COL4A1: variants seen among roughly 807,000 people sequenced by gnomAD.
The protein encoded by COL4A1 is collagen type IV alpha 1 chain.
Under a neutral mutation model 216.6 loss-of-function variants are expected in COL4A1, and 40 were observed. The observed-to-expected ratio is 0.18, with a 90% confidence interval of 0.14 to 0.24. COL4A1 has a LOEUF of 0.24. Ranked by LOEUF, COL4A1 falls within the 10% of genes least tolerant of loss-of-function variation. The pLI, the probability that COL4A1 is intolerant of heterozygous loss-of-function variation, is 1.00. For missense variants in COL4A1, 1,628 were observed against 2,196.8 expected, an observed-to-expected ratio of 0.74 and a Z score of 5.18; for synonymous variants, 839 against 810.7, an observed-to-expected ratio of 1.03 and a Z score of -0.59.
At chr13:110,247,711 CAA>C (rs2139252399) in intron 1 of COL4A1, among the ~76,000 whole-genome samples, 1 of 151,070 alleles carries the variant, frequency 6.6e-6, no homozygotes, top group African/African-American at 2.4e-5. Context: ...CCAGAGGATG[CAA>C]AAAGAGGAAA....
At chr13:110,217,920 A>T (rs745395296) in intron 2 of COL4A1, among the ~76,000 whole-genome samples, 10 of 152,242 alleles carry the variant, frequency 6.6e-5, no homozygotes, top group Non-Finnish European at 8.8e-5. Context: ...TATACTTTTT[A>T]AAAAATCCTT....
At chr13:110,221,344 A>T (rs1880468476) in intron 2 of COL4A1, among the ~76,000 whole-genome samples, 1 of 152,218 alleles carries the variant, frequency 6.6e-6, no homozygotes, top group Admixed American at 6.5e-5. Flanking sequence ...AAAATGAATT[A>T]AAAAGAGTCC....
At chr13:110,284,285 T>C (rs181282555) in intron 1 of COL4A1, among the ~76,000 whole-genome samples, 216 of 152,226 alleles carry the variant, frequency 1.4e-3, no homozygotes, top group Non-Finnish European at 2.4e-3. Flanking sequence ...AAGCCCAAAT[T>C]CTGGAATCTG....
intron 26 of COL4A1, 71 bp from the exon 27 acceptor site, chr13:110,183,347 A>G (rs1032899790): frequency 6.9e-7 from 1 of 1,456,052 alleles, no homozygotes; most frequent in South Asian, 1.2e-5. Context: ...GAGGACACGC[A>G]GTGGGTGGGC....
chr13:110,213,468 T>G (rs1475512579), intron 4 of COL4A1, among the ~76,000 whole-genome samples: 1 of 152,148 alleles, frequency 6.6e-6, no homozygotes, highest in Non-Finnish European at 1.5e-5. Flanking sequence ...GGACACATCA[T>G]CAATTGCCCC....
At position 110,170,529 on chromosome 13, in the gene COL4A1, C is replaced by T; in HGVS notation, c.3742+18G>A. On this transcript the variant is annotated intron_variant, in intron 42 of 51. Coordinates refer to ENST00000375820, the MANE Select transcript of COL4A1 (RefSeq NM_001845.6). ...CTGTCCCAGTCCTCAGCCCTGGCCC[C>T]TGGCGAGATGCCCTTACCTGGCAGG... 5.0e-6 allele frequency: 8 copies of T among 1,586,184 alleles called. No individual in the cohort carries two copies. Among genetic ancestry groups the T allele is most frequent in the Non-Finnish European group, 6.9e-6 (8 of 1,165,602 alleles).
intron 1 of COL4A1, among the ~76,000 whole-genome samples, chr13:110,288,762 G>A (rs1270131469): frequency 1.3e-5 from 2 of 152,154 alleles, no homozygotes; most frequent in South Asian, 2.1e-4. Flanking sequence ...GGCCAGGCGC[G>A]GTGGCTCACG....
intron 2 of COL4A1, among the ~76,000 whole-genome samples, chr13:110,228,588 A>G (rs148234006): frequency 1.1e-3 from 168 of 152,326 alleles, no homozygotes; most frequent in African/African-American, 3.8e-3. Context: ...GATTAACGAT[A>G]TAACTTCCTA....
At chr13:110,181,867 C>T (rs1268954996) in intron 28 of COL4A1, among the ~76,000 whole-genome samples, 1 of 152,206 alleles carries the variant, frequency 6.6e-6, no homozygotes. Flanking sequence ...GTCTGGGCCC[C>T]GCTCTGGAAG....
At chr13:110,231,424 G>A (rs1379195585) in intron 2 of COL4A1, among the ~76,000 whole-genome samples, 2 of 152,220 alleles carry the variant, frequency 1.3e-5, no homozygotes, top group African/African-American at 4.8e-5. Context: ...CACCGCACCT[G>A]AGCGGCTGCC....
chr13:110,205,187 A>G, intron 17 of COL4A1, 166 bp downstream of exon 17: 2 of 757,002 alleles, frequency 2.6e-6, no homozygotes, highest in South Asian at 3.4e-5. Flanking sequence ...ATTTTGTAAA[A>G]AATCATGAAC....
chr13:110,234,905 T>C (rs1881236648), intron 2 of COL4A1, among the ~76,000 whole-genome samples: 1 of 152,200 alleles, frequency 6.6e-6, no homozygotes, highest in African/African-American at 2.4e-5. Flanking sequence ...AGGCATTCAA[T>C]TGATCTCAAA....
chr13:110,204,209 G>T (rs892351138), intron 17 of COL4A1, among the ~76,000 whole-genome samples: 2 of 152,006 alleles, frequency 1.3e-5, no homozygotes, highest in Non-Finnish European at 2.9e-5. Flanking sequence ...AAACGTCATC[G>T]TAATGATTTA....
At chr13:110,153,098 AAATG>A (rs922280094) in intron 50 of COL4A1, among the ~76,000 whole-genome samples, 4 of 152,246 alleles carry the variant, frequency 2.6e-5, no homozygotes, top group Non-Finnish European at 5.9e-5. Context: ...CAAGACCTTA[AAATG>A]AATGACATAC....
chr13:110,254,536 A>G (rs2139267669), intron 1 of COL4A1, among the ~76,000 whole-genome samples: 1 of 152,316 alleles, frequency 6.6e-6, no homozygotes, highest in Middle Eastern at 3.4e-3. Flanking sequence ...AAAAGGAAAC[A>G]TGAAAAGCCT....
chr13:110,205,465 G>C (rs772216870), intron 16 of COL4A1, 29 bp downstream of exon 16: 1 of 1,605,908 alleles, frequency 6.2e-7, no homozygotes, highest in East Asian at 2.2e-5. Context: ...CAGTGAGCCT[G>C]CTTGTAAAAA....
chr13:110,176,623 T>C lies in COL4A1; in HGVS notation c.2968+3A>G, dbSNP rs1455733602. 4.3e-6 allele frequency: 7 copies of C among 1,613,732 alleles called. No individual in the cohort carries two copies. The Admixed American group carries it at 8.3e-5, about 19-fold the overall frequency. On this transcript the variant is annotated splice_donor_region_variant and intron_variant, in intron 35 of 51. Transcript: ENST00000375820. ...CACTGGGGACCGGAGCTCCACACTGTACCTGGCTGCCCAGGCTGTCCTGCC... is the reference window on the plus strand; with the variant it reads ...CACTGGGGACCGGAGCTCCACACTGCACCTGGCTGCCCAGGCTGTCCTGCC...
rs550831786 is a variant in COL4A1 at position 110,189,975 on chromosome 13, G to A, written c.1536+2239C>T. On this transcript the variant is annotated intron_variant, in intron 24 of 51. Coordinates refer to ENST00000375820, the MANE Select transcript of COL4A1 (RefSeq NM_001845.6). ...AATATTCATCCATTAAAAAATACTAGTGTAAGAAATTATAACCAATGTATA... is the reference window on the plus strand; with the variant it reads ...AATATTCATCCATTAAAAAATACTAATGTAAGAAATTATAACCAATGTATA... 2.6e-5 allele frequency among the ~76,000 whole-genome samples: 4 copies of A among 152,294 alleles called. No homozygotes were observed. The East Asian group carries it at 7.7e-4, about 29-fold the overall frequency.
intron 1 of COL4A1, among the ~76,000 whole-genome samples, chr13:110,252,451 GTATTATATACATATAAT>G (rs1882120696): frequency 9.5e-5 from 7 of 73,786 alleles, no homozygotes; most frequent in African/African-American, 3.1e-4. Flanking sequence ...ATACGTATAT[GTATTATATACATATAAT>G]TATATGTATT....
Sources: gnomAD v4.1 joint callset for allele counts (sites outside exome capture counted in the v4.1 genomes callset) on GRCh38, gnomAD v4.1.1 for gene constraint, MANE v1.5 for transcripts, NCBI Gene and HGNC (gene_info 2026-07-23, HGNC 2026-07-21) for gene names.